The following RBPJ variants were observed in gnomAD, a reference collection of about 807,000 sequenced individuals.
RBPJ encodes the protein recombining binding protein suppressor of hairless.
A neutral mutation model predicts 67.8 loss-of-function variants in RBPJ; 9 were observed. That is an observed-to-expected ratio of 0.13 (90% CI 0.08 to 0.23). The LOEUF is 0.23. Ranked by LOEUF, RBPJ falls within the 10% of genes least tolerant of loss-of-function variation. RBPJ has a pLI of 1.00. For synonymous variants in RBPJ, 198 were observed against 203.3 expected, an observed-to-expected ratio of 0.97 and a Z score of 0.22; for missense variants, 305 against 595.6, an observed-to-expected ratio of 0.51 and a Z score of 5.08.
At chr4:26,130,553 C>T in the RBPJ span, among the ~76,000 whole-genome samples, 1 of 152,136 alleles carries the variant, frequency 6.6e-6, no homozygotes, top group African/African-American at 2.4e-5. Flanking sequence ...GCTGCAGCAA[C>T]CGAGTCCTGC....
At chr4:26,426,161 A>G (rs987509171) in intron 7 of RBPJ, among the ~76,000 whole-genome samples, 83 of 152,344 alleles carry the variant, frequency 5.4e-4, no homozygotes, top group African/African-American at 1.9e-3. Context: ...AATCTGAATC[A>G]GCATTTATTC....
intron 1 of RBPJ, among the ~76,000 whole-genome samples, chr4:26,275,908 G>A (rs1209749492): frequency 6.6e-6 from 1 of 151,694 alleles, no homozygotes; most frequent in African/African-American, 2.4e-5. Context: ...TTACAGGCGT[G>A]AGCCACCGCA....
At chr4:26,169,694 A>C (rs537094000) in intron 1 of RBPJ, among the ~76,000 whole-genome samples, 1 of 152,224 alleles carries the variant, frequency 6.6e-6, no homozygotes, top group African/African-American at 2.4e-5. Flanking sequence ...CTACAGAGGC[A>C]GGCAGGCCTC....
At position 26,433,259 on chromosome 4, in the gene RBPJ, T is replaced by C. The variant is rs1461832066; in HGVS notation, c.*2252T>C. 3 of 152,180 alleles carry C rather than the reference T, an allele frequency of 2.0e-5. No individual in the cohort carries two copies. Among genetic ancestry groups the C allele is most frequent in the African/African-American group, 4.8e-5 (2 of 41,432 alleles). 9.4% of individuals were successfully genotyped at this position (152,180 alleles called of 1,614,324 possible). On this transcript the variant is annotated 3_prime_UTR_variant, in exon 11 of 11. Coordinates refer to ENST00000355476, the MANE Select transcript of RBPJ (RefSeq NM_015874.6). Reference sequence around the variant, plus strand: ...TTCTTACAGACCACTTATTTCTGAGTAGTAGTTATTCCTCTCTATGGAGTC... The same window carrying C: ...TTCTTACAGACCACTTATTTCTGAGCAGTAGTTATTCCTCTCTATGGAGTC...
chr4:26,212,027 C>CAG (rs1479106754), intron 1 of RBPJ, among the ~76,000 whole-genome samples: 4 of 152,136 alleles, frequency 2.6e-5, no homozygotes, highest in Non-Finnish European at 5.9e-5. Context: ...AGTGTGGGAA[C>CAG]AGAGCATCCC....
At chr4:26,361,671 T>A (rs1054958359) in intron 1 of RBPJ, among the ~76,000 whole-genome samples, 2 of 152,214 alleles carry the variant, frequency 1.3e-5, no homozygotes, top group Non-Finnish European at 2.9e-5. Context: ...TATTGATCAG[T>A]TATCAGTTTT....
chr4:26,429,530 C>T (rs1736006399), intron 8 of RBPJ, among the ~76,000 whole-genome samples: 1 of 152,146 alleles, frequency 6.6e-6, no homozygotes, highest in South Asian at 2.1e-4. Context: ...ATGAGGAGTC[C>T]CATTGTCTTT....
At chr4:26,268,475 C>T (rs1021817898) in intron 1 of RBPJ, among the ~76,000 whole-genome samples, 2 of 152,134 alleles carry the variant, frequency 1.3e-5, no homozygotes, top group African/African-American at 4.8e-5. Context: ...TCAGGCCCAA[C>T]CCTTAATGAA....
At chr4:26,340,959 G>A (rs898006687) in intron 1 of RBPJ, among the ~76,000 whole-genome samples, 1 of 152,140 alleles carries the variant, frequency 6.6e-6, no homozygotes, top group African/African-American at 2.4e-5. Context: ...GTGCTAGTTT[G>A]AAATGCTTTT....
the RBPJ span, among the ~76,000 whole-genome samples, chr4:26,122,568 C>A: frequency 6.6e-6 from 1 of 152,130 alleles, no homozygotes; most frequent in Non-Finnish European, 1.5e-5. Context: ...AACGCTTAAA[C>A]ATTTTAAATT....
At chr4:26,179,341 C>T (rs1481803962) in intron 1 of RBPJ, among the ~76,000 whole-genome samples, 1 of 148,384 alleles carries the variant, frequency 6.7e-6, no homozygotes, top group Non-Finnish European at 1.5e-5. Context: ...ATGTCAGATT[C>T]CCCAAAGAGT....
chr4:26,123,371 C>G, the RBPJ span, among the ~76,000 whole-genome samples: 2 of 152,148 alleles, frequency 1.3e-5, no homozygotes, highest in Non-Finnish European at 2.9e-5. Flanking sequence ...ATAAATGGAG[C>G]TTGCAGGACC....
chr4:26,267,235 T>TA (rs903175229), intron 1 of RBPJ, among the ~76,000 whole-genome samples: 3 of 152,116 alleles, frequency 2.0e-5, no homozygotes, highest in Non-Finnish European at 2.9e-5. Context: ...TCCAGAGTCT[T>TA]AGAGTCTGGA....
chr4:26,204,395 G>A (rs761038436), intron 1 of RBPJ, among the ~76,000 whole-genome samples: 2 of 151,228 alleles, frequency 1.3e-5, no homozygotes, highest in Non-Finnish European at 3.0e-5. Flanking sequence ...AGTCTGCTCA[G>A]TAAAGGCTGT....
intron 1 of RBPJ, among the ~76,000 whole-genome samples, chr4:26,244,155 A>G (rs112058644): frequency 0.029 from 4,255 of 148,628 alleles, 132 homozygotes; most frequent in African/African-American, 0.065. Flanking sequence ...GTACACATAT[A>G]TGTATATATA....
At chr4:26,331,089 G>T (rs1000352034) in intron 1 of RBPJ, among the ~76,000 whole-genome samples, 4 of 152,132 alleles carry the variant, frequency 2.6e-5, no homozygotes, top group Admixed American at 6.6e-5. Context: ...TGTTTTAGGG[G>T]GAGGGGAAGG....
rs185801101 is a variant in RBPJ, at chr4:26,211,059, C to T, written c.-167+47445C>T. Among the ~76,000 whole-genome samples the T allele has an allele frequency of 5.9e-5, 9 of 152,166 alleles. No individual in the cohort carries two copies. The East Asian group carries it at 1.5e-3, about 26-fold the overall frequency. ...CAGGTGTATAGACTCCCATAACTTT[C>T]AAAGCTAGAAGGGTCATTGGTGAGA... On this transcript the variant is annotated intron_variant, in intron 1 of 4. Coordinates refer to the RBPJ transcript ENST00000512351.
the RBPJ span, among the ~76,000 whole-genome samples, chr4:26,129,999 G>T: frequency 1.3e-5 from 2 of 151,914 alleles, no homozygotes; most frequent in South Asian, 2.1e-4. Flanking sequence ...GTAGCTGGGA[G>T]TACAGGCGTG....
At chr4:26,303,940 A>G (rs1161904745) in intron 1 of RBPJ, among the ~76,000 whole-genome samples, 1 of 152,230 alleles carries the variant, frequency 6.6e-6, no homozygotes, top group Non-Finnish European at 1.5e-5. Flanking sequence ...GGTTTATAGT[A>G]TATTCAGAGT....
Sources: allele counts gnomAD v4.1 joint callset (sites outside exome capture counted in the v4.1 genomes callset), GRCh38; gene constraint gnomAD v4.1.1; transcripts MANE v1.5; gene names NCBI Gene and HGNC (gene_info 2026-07-23, HGNC 2026-07-21).